The following TSPEAR variants were observed in gnomAD, a reference collection of about 807,000 sequenced individuals.
TSPEAR encodes thrombospondin type laminin G domain and EAR repeats.
Under a neutral mutation model 71.6 loss-of-function variants are expected in TSPEAR, and 69 were observed. The ratio of observed to expected loss-of-function variants is 0.96; its 90% CI spans 0.79 to 1.18. The LOEUF (loss-of-function observed/expected upper bound fraction) is 1.18. Ranked by LOEUF, TSPEAR falls within the 50% of genes most tolerant of loss-of-function variation. The pLI, the probability that TSPEAR is intolerant of heterozygous loss-of-function variation, is 0.00. For missense variants in TSPEAR, 971 were observed against 894.9 expected (o/e 1.09, Z -1.09); for synonymous variants, 402 against 387.2 (o/e 1.04, Z -0.45).
intron 11 of TSPEAR, among the ~76,000 whole-genome samples, chr21:44,502,800 G>GC (rs587756704): frequency 1.3e-3 from 193 of 152,386 alleles, no homozygotes; most frequent in African/African-American, 4.5e-3. Flanking sequence ...GAGAAGGTGA[G>GC]CCCCCGGGGG....
Position 44,615,599 on chromosome 21 carries a change from T to C in TSPEAR, c.83-47594A>G, listed in dbSNP as rs917775939. 2.7e-5 allele frequency among the ~76,000 whole-genome samples: 4 copies of C among 148,790 alleles called. No homozygotes were observed. In the South Asian group the frequency reaches 6.3e-4, roughly 24 times the overall value. On this transcript the variant is annotated intron_variant, in intron 1 of 11. Transcript: ENST00000323084. ...TCTGTTTTTTTGGAACCATTTGAAATTCAGTGCTGTAGCCACATGGCGGCA... is the reference window on the plus strand; with the variant it reads ...TCTGTTTTTTTGGAACCATTTGAAACTCAGTGCTGTAGCCACATGGCGGCA...
intron 11 of TSPEAR, 150 bp from the exon 12 acceptor site, chr21:44,500,086 C>G: frequency 2.6e-6 from 2 of 757,300 alleles, no homozygotes; most frequent in Non-Finnish European, 4.0e-6. Context: ...GTGGGGAGAT[C>G]GATTCTGGGC....
chr21:44,646,656 C>G (rs1984403282), intron 1 of TSPEAR: 17 of 1,613,818 alleles, frequency 1.1e-5, no homozygotes, highest in Non-Finnish European at 1.4e-5. Flanking sequence ...AGCCCAGCGC[C>G]TGCCAATCAG....
intron 2 of TSPEAR, among the ~76,000 whole-genome samples, chr21:44,563,423 G>A (rs2053664673): frequency 6.6e-6 from 1 of 152,092 alleles, no homozygotes; most frequent in Non-Finnish European, 1.5e-5. Flanking sequence ...ATCTGAAGTT[G>A]ATCTTGATAA....
At chr21:44,635,117 G>A (rs1295190581) in intron 1 of TSPEAR, among the ~76,000 whole-genome samples, 1 of 152,092 alleles carries the variant, frequency 6.6e-6, no homozygotes, top group Admixed American at 6.6e-5. Context: ...GGCCGAGGCG[G>A]GAGGATCACT....
At position 44,710,859 on chromosome 21, in the gene TSPEAR, A is replaced by C. The variant is rs1194208991; in HGVS notation, c.82+574T>G. On this transcript the variant is annotated intron_variant, in intron 1 of 11. Coordinates refer to ENST00000323084, the MANE Select transcript of TSPEAR (RefSeq NM_144991.3). The surrounding 1 kb of genome is among the most constrained non-coding windows in gnomAD (Gnocchi z 4.6). ...CAGGCTTCGCCAGGACCCCCCAGTG[A>C]GCCAGCCCAGGGCTCTCCACTCAGA... 6.6e-6 allele frequency among the ~76,000 whole-genome samples: 1 copy of C among 152,232 alleles called. No homozygotes were observed. Among genetic ancestry groups the C allele is most frequent in the Non-Finnish European group, 1.5e-5 (1 of 68,038 alleles).
intron 1 of TSPEAR, among the ~76,000 whole-genome samples, chr21:44,698,417 C>T (rs977607224): frequency 6.6e-6 from 1 of 152,352 alleles, no homozygotes; most frequent in East Asian, 1.9e-4. Flanking sequence ...ATTAGTCTGG[C>T]ACTGGTGCCG....
rs1374814841 is a variant in TSPEAR at position 44,710,588 on chromosome 21, A to G, written c.82+845T>C. ...GGAACCAAGGATGCATGATTTGCAA[A>G]CAAAACCAGAAGCGCAAGCCATCTC... is the stretch of plus-strand genomic sequence containing the variant. On this transcript the variant is annotated intron_variant, in intron 1 of 11. Transcript: ENST00000323084. The surrounding 1 kb of genome is among the most constrained non-coding windows in gnomAD (Gnocchi z 4.6). 3.9e-5 allele frequency among the ~76,000 whole-genome samples: 6 copies of G among 152,044 alleles called. No individual in the cohort carries two copies. Among genetic ancestry groups the G allele is most frequent in the African/African-American group, 1.5e-4 (6 of 41,292 alleles).
intron 1 of TSPEAR, among the ~76,000 whole-genome samples, chr21:44,649,334 T>TGCACCTCACATGCTCATCAATACA (rs1984634352): frequency 6.6e-6 from 1 of 152,184 alleles, no homozygotes; most frequent in Non-Finnish European, 1.5e-5. Flanking sequence ...GGAGTCCCCC[T>TGCACCTCACATGCTCATCAATACA]GCACCTCACA....
chr21:44,706,335 A>G (rs1281530962), intron 1 of TSPEAR, among the ~76,000 whole-genome samples: 1 of 151,524 alleles, frequency 6.6e-6, no homozygotes, highest in South Asian at 2.1e-4. Context: ...ACCCACGTGC[A>G]CACCCCCATG....
At chr21:44,607,741 T>G (rs1555930109) in intron 1 of TSPEAR, among the ~76,000 whole-genome samples, 2 of 152,158 alleles carry the variant, frequency 1.3e-5, no homozygotes, top group African/African-American at 4.8e-5. Flanking sequence ...AATGGAACTC[T>G]CCAACATTTG....
chr21:44,542,048 G>A (rs1248530775), intron 2 of TSPEAR, among the ~76,000 whole-genome samples: 1 of 152,186 alleles, frequency 6.6e-6, no homozygotes, highest in East Asian at 1.9e-4. Context: ...TTGTGAAACT[G>A]GAATTTAATG....
chr21:44,508,704 G>A, intron 10 of TSPEAR: 1 of 1,224,542 alleles, frequency 8.2e-7, no homozygotes. Flanking sequence ...CATGTTCCCT[G>A]GATCTCACAT....
chr21:44,672,023 G>A (rs927029667), intron 1 of TSPEAR, among the ~76,000 whole-genome samples: 55 of 152,002 alleles, frequency 3.6e-4, no homozygotes, highest in Non-Finnish European at 5.7e-4. Context: ...GAATCCAACA[G>A]AAATCCTGGA....
intron 2 of TSPEAR, among the ~76,000 whole-genome samples, chr21:44,542,736 A>C (rs2053240722): frequency 1.2e-5 from 1 of 85,556 alleles, no homozygotes; most frequent in African/African-American, 4.6e-5. Context: ...ACAGAAAGAG[A>C]CCTGTTAAAA....
At chr21:44,660,573 A>G (rs1985429184) in intron 1 of TSPEAR, among the ~76,000 whole-genome samples, 1 of 152,256 alleles carries the variant, frequency 6.6e-6, no homozygotes, top group Admixed American at 6.5e-5. Flanking sequence ...AACTGAAAAG[A>G]CTTCATTAAC....
intron 1 of TSPEAR, among the ~76,000 whole-genome samples, chr21:44,649,271 G>C (rs935950260): frequency 5.3e-5 from 8 of 152,218 alleles, no homozygotes; most frequent in Non-Finnish European, 8.8e-5. Flanking sequence ...CCCAGGCGAG[G>C]CTGCTGGCCT....
intron 1 of TSPEAR, chr21:44,591,850 G>C (rs1173333113): frequency 3.1e-6 from 5 of 1,608,012 alleles, no homozygotes; most frequent in Middle Eastern, 1.7e-4. Context: ...CTGGCAGCTA[G>C]ACTGCTGGCA....
intron 1 of TSPEAR, chr21:44,681,781 G>T: frequency 6.4e-7 from 1 of 1,566,684 alleles, no homozygotes; most frequent in Non-Finnish European, 8.7e-7. Flanking sequence ...TCCAGGGAGT[G>T]TACAGGTGTG....
Sources: gnomAD v4.1 joint callset for allele counts (sites outside exome capture counted in the v4.1 genomes callset) on GRCh38, gnomAD v4.1.1 for gene constraint, Gnocchi (gnomAD v3.1) non-coding constraint, MANE v1.5 for transcripts, NCBI Gene and HGNC (gene_info 2026-07-23, HGNC 2026-07-21) for gene names.